Variants in SRGAP2C observed in about 807,000 individuals in gnomAD.
SRGAP2C encodes the protein SLIT-ROBO Rho GTPase activating protein 2C, also known as SLIT-ROBO Rho GTPase-activating protein 2C.
SRGAP2C carries 15 observed loss-of-function variants against 25.1 expected under a neutral mutation model. That is an observed-to-expected ratio of 0.60 (90% CI 0.40 to 0.92). The LOEUF is 0.92. Ranked by LOEUF, SRGAP2C falls within the 40% of genes least tolerant of loss-of-function variation. SRGAP2C has a pLI of 0.00. For missense variants in SRGAP2C, 144 were observed against 264.4 expected (o/e 0.54, Z 3.16); for synonymous variants, 44 against 96.6 (o/e 0.46, Z 3.19).
chr1:121,221,720 A>AAAAC (rs1553325637), intron 2 of SRGAP2C, among the ~76,000 whole-genome samples: 1 of 115,912 alleles, frequency 8.6e-6, no homozygotes, highest in African/African-American at 3.6e-5. Flanking sequence ...CAAAAAAAAA[A>AAAAC]AAAAAAAAAA....
chr1:121,312,519 G>T (rs1279909135), intron 3 of SRGAP2C, among the ~76,000 whole-genome samples: 1 of 77,014 alleles, frequency 1.3e-5, no homozygotes, highest in Non-Finnish European at 2.6e-5. Flanking sequence ...GTGATGTTAG[G>T]GTGTCAATTT....
chr1:121,267,202 CT>C (rs1206309320), intron 2 of SRGAP2C, among the ~76,000 whole-genome samples: 2 of 150,432 alleles, frequency 1.3e-5, no homozygotes, highest in Non-Finnish European at 3.0e-5. Flanking sequence ...GATCATCACA[CT>C]TTTTTTTGGA....
intron 2 of SRGAP2C, among the ~76,000 whole-genome samples, chr1:121,266,573 A>G (rs1300306588): frequency 6.8e-6 from 1 of 146,494 alleles, no homozygotes; most frequent in South Asian, 2.2e-4. Flanking sequence ...TGCGGTTAGC[A>G]GTGTGAAGAC....
In SRGAP2C at chr1:121,226,000, C is replaced by T. The variant is rs587637398; in HGVS notation, c.67+38487C>T. Among the ~76,000 whole-genome samples the T allele has an allele frequency of 5.1e-3, 772 of 151,418 alleles. 5 individuals are homozygous for T. Among genetic ancestry groups the T allele is most frequent in the Non-Finnish European group, 8.7e-3 (588 of 67,874 alleles). ...GATTACAGGTGTGAGCCACCACGCCCGGCAAAACAGCATATCTTTAATTAG... is the reference window on the plus strand; with the variant it reads ...GATTACAGGTGTGAGCCACCACGCCTGGCAAAACAGCATATCTTTAATTAG... On this transcript the variant is annotated intron_variant, in intron 2 of 9. Transcript: ENST00000367123.
chr1:121,211,548 G>C (rs1305998369), intron 2 of SRGAP2C, among the ~76,000 whole-genome samples: 4 of 149,218 alleles, frequency 2.7e-5, no homozygotes, highest in Admixed American at 1.3e-4. Flanking sequence ...TGCCTCATAA[G>C]TAAAGAAAAA....
chr1:121,266,037 C>T (rs1656769654), intron 2 of SRGAP2C, among the ~76,000 whole-genome samples: 1 of 151,852 alleles, frequency 6.6e-6, no homozygotes. Context: ...TACAATGGTG[C>T]AATCTCTGCT....
chr1:121,291,361 C>A (rs1405727120), intron 3 of SRGAP2C, among the ~76,000 whole-genome samples: 1 of 149,890 alleles, frequency 6.7e-6, no homozygotes, highest in East Asian at 2.0e-4. Flanking sequence ...CAGTACGAGG[C>A]CATCAGGTAT....
At chr1:121,377,938 C>T (rs1553353816) in intron 7 of SRGAP2C, among the ~76,000 whole-genome samples, 2 of 152,006 alleles carry the variant, frequency 1.3e-5, no homozygotes, top group South Asian at 2.1e-4. Flanking sequence ...CTTGTACATC[C>T]TATGGGGAAG....
At chr1:121,372,175 C>T (rs1404645591) in intron 5 of SRGAP2C, among the ~76,000 whole-genome samples, 1 of 151,778 alleles carries the variant, frequency 6.6e-6, no homozygotes, top group African/African-American at 2.4e-5. Context: ...AATTTAGACT[C>T]TAATGTACTT....
intron 5 of SRGAP2C, among the ~76,000 whole-genome samples, chr1:121,367,279 TAGGA>T (rs1659352064): frequency 6.6e-6 from 1 of 150,994 alleles, no homozygotes; most frequent in African/African-American, 2.4e-5. Flanking sequence ...GTAGAGGCAC[TAGGA>T]AGTTTCAGAG....
intron 2 of SRGAP2C, among the ~76,000 whole-genome samples, chr1:121,282,565 G>A (rs1657271191): frequency 6.6e-6 from 1 of 151,354 alleles, no homozygotes; most frequent in East Asian, 1.9e-4. Context: ...TTTTTTTGTT[G>A]TTTGTTTGAG....
At chr1:121,346,706 G>T (rs1408841393) in intron 4 of SRGAP2C, among the ~76,000 whole-genome samples, 2 of 152,134 alleles carry the variant, frequency 1.3e-5, no homozygotes, top group Admixed American at 6.5e-5. Flanking sequence ...ATGCCCTTGT[G>T]GGTCATGAAA....
intron 2 of SRGAP2C, among the ~76,000 whole-genome samples, chr1:121,264,708 A>G (rs1459737508): frequency 6.6e-6 from 1 of 150,962 alleles, no homozygotes; most frequent in Non-Finnish European, 1.5e-5. Context: ...CCCTAGACCA[A>G]TTTCTGTATA....
chr1:121,272,304 G>A (rs1410791376), intron 2 of SRGAP2C, among the ~76,000 whole-genome samples: 3 of 151,022 alleles, frequency 2.0e-5, no homozygotes, highest in Admixed American at 6.6e-5. Context: ...TACAGAATAG[G>A]GACATTCTTT....
intron 2 of SRGAP2C, among the ~76,000 whole-genome samples, chr1:121,223,942 A>G (rs1378569545): frequency 7.1e-6 from 1 of 140,748 alleles, no homozygotes; most frequent in African/African-American, 2.7e-5. Context: ...TCTAAAATAT[A>G]AAAACCTCAA....
At chr1:121,260,357 G>C (rs1429114240) in intron 2 of SRGAP2C, among the ~76,000 whole-genome samples, 16 of 152,058 alleles carry the variant, frequency 1.1e-4, no homozygotes, top group African/African-American at 3.9e-4. Flanking sequence ...AGTGTGCTTG[G>C]TGTATTTGAG....
At chr1:121,315,582 A>T (rs1438875151) in intron 3 of SRGAP2C, among the ~76,000 whole-genome samples, 1 of 151,652 alleles carries the variant, frequency 6.6e-6, no homozygotes, top group Non-Finnish European at 1.5e-5. Flanking sequence ...CCAGTAAAAT[A>T]TCAACATGGT....
At chr1:121,323,474 G>A (rs1484680363) in intron 3 of SRGAP2C, among the ~76,000 whole-genome samples, 6 of 144,808 alleles carry the variant, frequency 4.1e-5, no homozygotes, top group Non-Finnish European at 7.6e-5. Context: ...AAGTTAGCTG[G>A]GCGTGGTGGC....
Position 121,255,300 on chromosome 1 carries a change from G to A in SRGAP2C, c.68-29503G>A, listed in dbSNP as rs1279386540. ...TCTGTGGGTGGTCACTGTGTTGAGA[G>A]ATGAGAATTTATGGGTTGAAGTTGT... is the stretch of plus-strand genomic sequence containing the variant. On this transcript the variant is annotated intron_variant, in intron 2 of 9. Transcript: ENST00000367123. 1.7e-4 allele frequency among the ~76,000 whole-genome samples: 25 copies of A among 151,478 alleles called. 1 individual carries two copies. Among genetic ancestry groups the A allele is most frequent in the Non-Finnish European group, 3.7e-4 (25 of 67,754 alleles).
Sources: allele counts gnomAD v4.1 joint callset (sites outside exome capture counted in the v4.1 genomes callset), GRCh38; gene constraint gnomAD v4.1.1; transcripts MANE v1.5; gene names NCBI Gene and HGNC (gene_info 2026-07-23, HGNC 2026-07-21).